The following GRB14 variants were observed in gnomAD, a reference collection of about 807,000 sequenced individuals.
GRB14 encodes the protein growth factor receptor bound protein 14, also known as growth factor receptor-bound protein 14.
In GRB14, 38 loss-of-function variants were observed where a neutral mutation model predicts 69.1. That is an observed-to-expected ratio of 0.55 (90% CI 0.42 to 0.72). The LOEUF is 0.72. Ranked by LOEUF, GRB14 falls within the 30% of genes least tolerant of loss-of-function variation. The pLI is 0.00. For missense variants in GRB14, 666 were observed against 666.1 expected, an observed-to-expected ratio of 1.00 and a Z score of 0.00; for synonymous variants, 247 against 241.3, an observed-to-expected ratio of 1.02 and a Z score of -0.22.
intron 8 of GRB14, among the ~76,000 whole-genome samples, chr2:164,503,055 T>C (rs986306956): frequency 2.0e-5 from 3 of 151,554 alleles, no homozygotes; most frequent in African/African-American, 7.3e-5. Flanking sequence ...GGATTATAAC[T>C]GGATTATTAG....
chr2:164,600,756 T>A (rs10178226), intron 2 of GRB14, among the ~76,000 whole-genome samples: 115,059 of 152,164 alleles, frequency 0.76, 44,173 homozygotes, highest in Admixed American at 0.81. Context: ...AAAATAAAGA[T>A]TTATTAATTT....
At chr2:164,571,307 T>G (rs1288013844) in intron 2 of GRB14, among the ~76,000 whole-genome samples, 1 of 152,180 alleles carries the variant, frequency 6.6e-6, no homozygotes, top group Non-Finnish European at 1.5e-5. Flanking sequence ...CTTTCAGAAC[T>G]GCTGTGAGGA....
At chr2:164,509,421 T>G (rs542524999) in intron 6 of GRB14, among the ~76,000 whole-genome samples, 1 of 152,238 alleles carries the variant, frequency 6.6e-6, no homozygotes, top group South Asian at 2.1e-4. Flanking sequence ...TTCAGGGAAA[T>G]TAGCTGGCAG....
intron 8 of GRB14, among the ~76,000 whole-genome samples, chr2:164,505,190 C>T (rs1350811036): frequency 2.0e-5 from 3 of 152,052 alleles, no homozygotes; most frequent in Non-Finnish European, 4.4e-5. Flanking sequence ...AACACAATGA[C>T]GCATCTTTGA....
At position 164,497,359 on chromosome 2, in the gene GRB14, T is replaced by A. The variant is rs772616451; in HGVS notation, c.1221+15A>T. 1 of 1,604,898 alleles carries A rather than the reference T, an allele frequency of 6.2e-7. No homozygotes were observed. The highest frequency in any genetic ancestry group is 2.2e-5 in the East Asian group (1 of 44,822). On this transcript the variant is annotated intron_variant, in intron 10 of 13. Transcript: ENST00000263915. ...GAAATCATAAATATTTTGAAGCATG[T>A]GAAGCTACTTGTACCCTCCAAGCGA...
intron 2 of GRB14, among the ~76,000 whole-genome samples, chr2:164,601,193 A>G (rs940812064): frequency 1.3e-5 from 2 of 152,162 alleles, no homozygotes; most frequent in African/African-American, 4.8e-5. Flanking sequence ...CAATTTCCCT[A>G]GCAGTTTCTG....
At chr2:164,594,322 C>A (rs73971056) in intron 2 of GRB14, among the ~76,000 whole-genome samples, 1,841 of 152,274 alleles carry the variant, frequency 0.012, 27 homozygotes, top group African/African-American at 0.043. Context: ...ACTACTTAAG[C>A]AAGCATTATT....
chr2:164,541,619 A>G (rs1275437457), intron 3 of GRB14, among the ~76,000 whole-genome samples: 2 of 151,944 alleles, frequency 1.3e-5, no homozygotes, highest in African/African-American at 2.4e-5. Context: ...TCTAAAAAAA[A>G]TTAAATAAAT....
chr2:164,503,442 C>CAAAAAAAAAAAAAAAAAAAAAA (rs148268784), intron 8 of GRB14, among the ~76,000 whole-genome samples: 1 of 92,258 alleles, frequency 1.1e-5, no homozygotes, highest in Non-Finnish European at 1.8e-5. Context: ...GGTAATTAGG[C>CAAAAAAAAAAAAAAAAAAAAAA]AAAAAAAAAA....
At chr2:164,618,588 T>C (rs1044230624) in intron 2 of GRB14, among the ~76,000 whole-genome samples, 32 of 152,142 alleles carry the variant, frequency 2.1e-4, no homozygotes, top group African/African-American at 7.7e-4. Context: ...CAAAAACCTG[T>C]GTACCAAGTG....
At chr2:164,569,582 C>A (rs1689076330) in intron 2 of GRB14, among the ~76,000 whole-genome samples, 1 of 152,166 alleles carries the variant, frequency 6.6e-6, no homozygotes, top group East Asian at 1.9e-4. Flanking sequence ...CAGACACAAA[C>A]TTTCCATTTC....
intron 8 of GRB14, among the ~76,000 whole-genome samples, chr2:164,503,932 G>C (rs1224600791): frequency 2.0e-5 from 3 of 152,084 alleles, no homozygotes; most frequent in African/African-American, 7.2e-5. Flanking sequence ...ACAAGAGGTA[G>C]GGCGGGGGTC....
At chr2:164,501,200 T>C (rs1286676569) in intron 9 of GRB14, among the ~76,000 whole-genome samples, 1 of 152,070 alleles carries the variant, frequency 6.6e-6, no homozygotes, top group East Asian at 1.9e-4. Context: ...CATACAAAGA[T>C]GGAAAGTTAT....
rs765646594 is a variant in GRB14, at chr2:164,559,405, T to C, written c.325-11589A>G. ...TGGTGCACCCGTCACCTGAGCAGCA[T>C]ATACTGCACCATTTGTAGTCTTTTA... On this transcript the variant is annotated intron_variant, in intron 2 of 13. Coordinates refer to ENST00000263915, the MANE Select transcript of GRB14 (RefSeq NM_004490.3). 7.2e-4 allele frequency among the ~76,000 whole-genome samples: 110 copies of C among 152,316 alleles called. 1 individual carries two copies. Among genetic ancestry groups the C allele is most frequent in the Non-Finnish European group, 9.7e-4 (66 of 68,022 alleles).
chr2:164,589,329 A>C (rs1689606220), intron 2 of GRB14, among the ~76,000 whole-genome samples: 1 of 152,180 alleles, frequency 6.6e-6, no homozygotes, highest in Non-Finnish European at 1.5e-5. Context: ...TCACAGAAAA[A>C]GTTTTGATAT....
chr2:164,547,546 C>G, intron 3 of GRB14, 114 bp downstream of exon 3: 1 of 791,398 alleles, frequency 1.3e-6, no homozygotes, highest in Non-Finnish European at 1.9e-6. Context: ...GGATCACCTA[C>G]AAGATATAGA....
chr2:164,559,545 A>AT (rs1157829546), intron 2 of GRB14, among the ~76,000 whole-genome samples: 2 of 152,068 alleles, frequency 1.3e-5, no homozygotes, highest in Non-Finnish European at 2.9e-5. Context: ...ATGATGTTTG[A>AT]TTTTTTATTC....
At chr2:164,493,274 C>T (rs181289317) in intron 13 of GRB14, 92 bp from the exon 14 acceptor site, 2 of 1,180,918 alleles carry the variant, frequency 1.7e-6, no homozygotes, top group African/African-American at 1.5e-5. Context: ...CATGCCAAAA[C>T]TGCCAAGTTT....
intron 6 of GRB14, among the ~76,000 whole-genome samples, chr2:164,512,779 T>C (rs985751144): frequency 1.5e-4 from 23 of 152,236 alleles, no homozygotes; most frequent in African/African-American, 5.3e-4. Flanking sequence ...TGGGAAAAAG[T>C]CAGGTATAAC....
Sources: gnomAD v4.1 joint callset for allele counts (sites outside exome capture counted in the v4.1 genomes callset) on GRCh38, gnomAD v4.1.1 for gene constraint, MANE v1.5 for transcripts, NCBI Gene and HGNC (gene_info 2026-07-23, HGNC 2026-07-21) for gene names.